The following SMAD7 variants were observed in gnomAD, a reference collection of about 807,000 sequenced individuals.
SMAD7 encodes SMAD family member 7.
In SMAD7, 8 loss-of-function variants were observed where a neutral mutation model predicts 38.7. The observed-to-expected ratio is 0.21, with a 90% CI of 0.12 to 0.37. SMAD7 has a LOEUF of 0.37. Among genes scored for constraint, SMAD7 ranks in the 10% least tolerant of loss-of-function variants. SMAD7 has a pLI of 1.00. For missense variants in SMAD7, 477 were observed against 577.9 expected (o/e 0.83, Z 1.79); for synonymous variants, 327 against 265.1 (o/e 1.23, Z -2.27).
intron 3 of SMAD7, among the ~76,000 whole-genome samples, chr18:48,941,308 C>T (rs1367788962): frequency 6.6e-6 from 1 of 152,178 alleles, no homozygotes; most frequent in Non-Finnish European, 1.5e-5. Context: ...AAACAATACC[C>T]TCAGTCTCAG....
rs2070062126 is a variant in SMAD7 at position 48,936,098 on chromosome 18, A to T, written c.742+6383T>A. Among the ~76,000 whole-genome samples the T allele has an allele frequency of 1.2e-4, 4 of 32,756 alleles. No individual in the cohort carries two copies. In the Admixed American group the frequency reaches 1.4e-3, roughly 11 times the overall value. The allele number at this position is 32,756 out of a possible 152,430, so 21.5% of individuals were successfully genotyped here. ...TCAAAACACACACACACACACACACACACACACACACACACACACCACACA... is the reference window on the plus strand; with the variant it reads ...TCAAAACACACACACACACACACACTCACACACACACACACACACCACACA... On this transcript the variant is annotated intron_variant, in intron 3 of 3. Coordinates refer to ENST00000262158, the MANE Select transcript of SMAD7 (RefSeq NM_005904.4).
rs1354783987 is a variant in SMAD7, at chr18:48,942,848, T to C, written c.668-293A>G. On this transcript the variant is annotated intron_variant, in intron 2 of 3. Coordinates refer to ENST00000262158, the MANE Select transcript of SMAD7 (RefSeq NM_005904.4). ...TGCATTACCAGTCCCCCATTACGGA[T>C]ACCAGGTGGTTCCCAAGGTCAAAGG... 7.8e-6 allele frequency: 9 copies of C among 1,150,216 alleles called. No individual in the cohort carries two copies. In the East Asian group the frequency reaches 2.3e-4, roughly 29 times the overall value. 71.3% of individuals were successfully genotyped at this position (1,150,216 alleles called of 1,614,324 possible). A position where few individuals can be genotyped will look rare whatever the true frequency, so the allele number is the denominator to read the frequency against.
At chr18:48,943,319 C>T (rs150478098) in intron 2 of SMAD7, among the ~76,000 whole-genome samples, 2,470 of 152,282 alleles carry the variant, frequency 0.016, 27 homozygotes, top group Middle Eastern at 0.034. Context: ...CTCGGAGTTT[C>T]CTCACTGATT....
intron 3 of SMAD7, among the ~76,000 whole-genome samples, 163 bp from the exon 4 acceptor site, chr18:48,922,073 C>T (rs996960783): frequency 2.6e-5 from 4 of 152,228 alleles, no homozygotes; most frequent in African/African-American, 9.6e-5. Flanking sequence ...CAGGCTCTTA[C>T]AGCCCTTTGA....
chr18:48,925,798 G>A (rs2069920233), intron 3 of SMAD7, among the ~76,000 whole-genome samples: 1 of 151,790 alleles, frequency 6.6e-6, no homozygotes. Context: ...CCAGGCTGGA[G>A]TGCAGTGGCA....
chr18:48,950,088 G>T lies in SMAD7; in HGVS notation c.337C>A (p.Gln113Lys), dbSNP rs868091887. The T allele has an allele frequency of 2.0e-6, 3 of 1,473,352 alleles. No homozygotes were observed. The Admixed American group carries it at 8.1e-5, about 40-fold the overall frequency. The allele number at this position is 1,473,352 out of a possible 1,614,324, so 91.3% of individuals were successfully genotyped here. ...GTCCCGCCGCGGGACTCCACGGCCT[G>T]GAGCAGCAGCTCCAGCTGCCGCTCC... is the stretch of plus-strand genomic sequence containing the variant. ...LKERQLELLL[Q>K]AVESRGGTRT... Residue 113 changes from glutamine to lysine, a missense_variant, in exon 1 of 4, where the codon CAG becomes AAG. Physicochemically the swap from Gln to Lys is moderately conservative, Grantham distance 53. Coordinates refer to ENST00000262158, the MANE Select transcript of SMAD7 (RefSeq NM_005904.4).
At chr18:48,937,264 A>ATGTGTGTGTGTGTGTGTGTGTGTG (rs71165354) in intron 3 of SMAD7, among the ~76,000 whole-genome samples, 9 of 119,878 alleles carry the variant, frequency 7.5e-5, no homozygotes, top group African/African-American at 3.0e-4. Context: ...AAGTAAAGGC[A>ATGTGTGTGTGTGTGTGTGTGTGTG]TGTGTGTGTG....
chr18:48,925,971 C>T (rs1028405956), intron 3 of SMAD7, among the ~76,000 whole-genome samples: 6 of 152,230 alleles, frequency 3.9e-5, no homozygotes, highest in Admixed American at 3.9e-4. Flanking sequence ...TGGTCTCGAT[C>T]TCCTGACCTC....
Position 48,921,200 on chromosome 18 carries a change from C to T in SMAD7, c.*172G>A, listed in dbSNP as rs748601975. The T allele has an allele frequency of 1.7e-6, 1 of 605,648 alleles. No homozygotes were observed. The highest frequency in any genetic ancestry group is 2.8e-6 in the Non-Finnish European group (1 of 357,102). 37.5% of individuals were successfully genotyped at this position (605,648 alleles called of 1,614,324 possible). On this transcript the variant is annotated 3_prime_UTR_variant, in exon 4 of 4. Coordinates refer to ENST00000262158, the MANE Select transcript of SMAD7 (RefSeq NM_005904.4). This position sits in a 1 kb window ranked among gnomAD's most constrained non-coding sequence, Gnocchi z 6.4. ...TTTTCATAAGCTATTTCTCAAAGAG[C>T]GAAACAAAACAGAACACAAACGAGG... is the stretch of plus-strand genomic sequence containing the variant.
intron 3 of SMAD7, among the ~76,000 whole-genome samples, chr18:48,922,976 C>A (rs764477810): frequency 9.9e-5 from 15 of 152,158 alleles, no homozygotes; most frequent in Non-Finnish European, 1.5e-4. Context: ...GGAAAGGGAG[C>A]CCCGGCGGCG....
chr18:48,949,966 G>A lies in SMAD7; in HGVS notation c.459C>T (p.Tyr153=), dbSNP rs779768467. 1.9e-6 allele frequency: 3 copies of A among 1,609,180 alleles called. No individual in the cohort carries two copies. Among genetic ancestry groups the A allele is most frequent in the South Asian group, 1.1e-5 (1 of 90,604 alleles). The stretch of plus-strand genomic sequence containing the variant: ...CTTTGCACAGCAGGAGGGGGAGCGA[G>A]TAGGACGAGGGCGGCTGCGCAGGCT... ...GAQPAQPPSS[Y]SLPLLLCKVF... Residue 153 remains tyrosine, a synonymous_variant, in exon 1 of 4, where the codon TAC becomes TAT. Coordinates refer to ENST00000262158, the MANE Select transcript of SMAD7 (RefSeq NM_005904.4).
At chr18:48,937,264 A>ATG (rs71165354) in intron 3 of SMAD7, among the ~76,000 whole-genome samples, 10,254 of 119,694 alleles carry the variant, frequency 0.086, 550 homozygotes, top group African/African-American at 0.13. Context: ...AAGTAAAGGC[A>ATG]TGTGTGTGTG....
chr18:48,937,078 C>T (rs1377111915), intron 3 of SMAD7, among the ~76,000 whole-genome samples: 5 of 148,858 alleles, frequency 3.4e-5, no homozygotes, highest in Admixed American at 2.0e-4. Flanking sequence ...AACTCCATCT[C>T]GAATTAAAAA....
At chr18:48,932,250 A>G (rs2143780915) in intron 3 of SMAD7, among the ~76,000 whole-genome samples, 1 of 152,304 alleles carries the variant, frequency 6.6e-6, no homozygotes, top group South Asian at 2.1e-4. Context: ...AAGGTGGGAC[A>G]GGGGACAGGG....
intron 3 of SMAD7, among the ~76,000 whole-genome samples, chr18:48,927,114 G>C (rs1424792271): frequency 1.3e-5 from 2 of 152,186 alleles, no homozygotes; most frequent in Non-Finnish European, 2.9e-5. Flanking sequence ...AGCTCCCTCA[G>C]ACTCCTCAGG....
chr18:48,942,558 G>A lies in SMAD7; in HGVS notation c.668-3C>T, dbSNP rs533991829. 13 of 1,613,634 alleles carry A rather than the reference G, an allele frequency of 8.1e-6. No individual in the cohort carries two copies. The highest frequency in any genetic ancestry group is 5.3e-5 in the African/African-American group (4 of 75,050). On this transcript the variant is annotated splice_region_variant and splice_polypyrimidine_tract_variant and intron_variant, in intron 2 of 3. Coordinates refer to ENST00000262158, the MANE Select transcript of SMAD7 (RefSeq NM_005904.4). ...AGGCACAGCATCTGGACAGTCTGCT[G>A]TGGATTTGAAAAGGGGAGAGAAAGA...
chr18:48,929,556 C>CTT (rs2069968282), intron 3 of SMAD7, among the ~76,000 whole-genome samples: 1 of 66,292 alleles, frequency 1.5e-5, no homozygotes, highest in African/African-American at 4.4e-5. Context: ...CTCTTTCTCT[C>CTT]TCTCTCTCTC....
At chr18:48,927,502 A>G (rs2069943087) in intron 3 of SMAD7, among the ~76,000 whole-genome samples, 1 of 152,142 alleles carries the variant, frequency 6.6e-6, no homozygotes, top group Non-Finnish European at 1.5e-5. Context: ...CCAACCCCAG[A>G]GGTGAGCCGA....
chr18:48,936,332 G>A (rs1274067584), intron 3 of SMAD7, among the ~76,000 whole-genome samples: 1 of 152,066 alleles, frequency 6.6e-6, no homozygotes, highest in Non-Finnish European at 1.5e-5. Context: ...CCTACCGCTG[G>A]CCATTTTTTG....
Sources: allele counts gnomAD v4.1 joint callset (sites outside exome capture counted in the v4.1 genomes callset), GRCh38; gene constraint gnomAD v4.1.1; non-coding constraint Gnocchi (gnomAD v3.1); transcripts MANE v1.5; gene names NCBI Gene and HGNC (gene_info 2026-07-23, HGNC 2026-07-21).